The following PCDH7 variants were observed in gnomAD, a reference collection of about 807,000 sequenced individuals.
The protein encoded by PCDH7 is protocadherin-7.
In PCDH7, 17 loss-of-function variants were observed where a neutral mutation model predicts 58.9. That is an observed-to-expected ratio of 0.29 (90% CI 0.20 to 0.43). The LOEUF (loss-of-function observed/expected upper bound fraction) is 0.43, where lower values mean the gene tolerates loss of function less well. PCDH7 is among the 20% of genes least tolerant of loss of function. The probability of loss-of-function intolerance (pLI) is 1.00; values close to 1 mark genes in which losing one functional copy is unlikely to be tolerated. For synonymous variants in PCDH7, 664 were observed against 616.4 expected (o/e 1.08, Z -1.14); for missense variants, 1,274 against 1,441.0 (o/e 0.88, Z 1.88).
intron 1 of PCDH7, among the ~76,000 whole-genome samples, chr4:30,793,394 C>T (rs1296769127): frequency 6.6e-6 from 1 of 152,072 alleles, no homozygotes; most frequent in Non-Finnish European, 1.5e-5. Flanking sequence ...GCTGAAATGA[C>T]ACAAAAGTTA....
At chr4:30,889,714 G>A (rs556255184) in intron 1 of PCDH7, among the ~76,000 whole-genome samples, 157 of 152,292 alleles carry the variant, frequency 1.0e-3, no homozygotes, top group Admixed American at 2.7e-3. Context: ...CTCATATGGT[G>A]TAAGGAGCAA....
chr4:30,980,427 A>T (rs1578478540), intron 3 of PCDH7, among the ~76,000 whole-genome samples: 3 of 152,196 alleles, frequency 2.0e-5, no homozygotes, highest in African/African-American at 4.8e-5. Flanking sequence ...ATATTTAGCT[A>T]TTGGGGAAAA....
chr4:31,086,688 G>T (rs1478881967), intron 3 of PCDH7, among the ~76,000 whole-genome samples: 1 of 152,046 alleles, frequency 6.6e-6, no homozygotes, highest in Non-Finnish European at 1.5e-5. Flanking sequence ...TTATTTATCT[G>T]TGAATATAAA....
At position 31,104,981 on chromosome 4, in the gene PCDH7, T is replaced by G. The variant is rs367707811; in HGVS notation, c.*8-37492T>G. ...GCACCAGTGTACCTTAAGGAACACA[T>G]GACAATTGGTATGTGATATTTCAAA... On this transcript the variant is annotated intron_variant, in intron 3 of 3. Transcript: ENST00000509759. 1.7e-4 allele frequency among the ~76,000 whole-genome samples: 26 copies of G among 152,332 alleles called. No homozygotes were observed. In the East Asian group the frequency reaches 2.5e-3, roughly 15 times the overall value.
At chr4:31,124,866 TTC>T (rs1718111188) in intron 3 of PCDH7, among the ~76,000 whole-genome samples, 1 of 152,234 alleles carries the variant, frequency 6.6e-6, no homozygotes, top group African/African-American at 2.4e-5. Context: ...TACTCCTTTT[TTC>T]TGTTGTTAAG....
Position 30,825,639 on chromosome 4 carries a change from C to A in PCDH7, c.71-94514C>A, listed in dbSNP as rs78433995. Among the ~76,000 whole-genome samples, 700 of 152,186 alleles carry A rather than the reference C, an allele frequency of 4.6e-3. 9 individuals are homozygous for A. The highest frequency in any genetic ancestry group is 5.5e-3 in the Non-Finnish European group (372 of 68,004). ...CTAAGTAGTTTCCTTTCCATAAAAG[C>A]TCAAAGAATGCATGCAGCAATGACA... On this transcript the variant is annotated intron_variant, in intron 1 of 3. Transcript: ENST00000509759.
At chr4:30,890,495 T>C (rs1387002115) in intron 1 of PCDH7, among the ~76,000 whole-genome samples, 1 of 130,000 alleles carries the variant, frequency 7.7e-6, no homozygotes, top group Non-Finnish European at 1.7e-5. Flanking sequence ...TTGATCTTTG[T>C]ATAGTCATTC....
chr4:31,090,852 T>G (rs1713153131), intron 3 of PCDH7, among the ~76,000 whole-genome samples: 1 of 152,060 alleles, frequency 6.6e-6, no homozygotes, highest in South Asian at 2.1e-4. Context: ...ATGTCTCCAT[T>G]ACAGAATACC....
intron 1 of PCDH7, among the ~76,000 whole-genome samples, chr4:30,809,889 A>G (rs563358854): frequency 1.3e-5 from 2 of 152,302 alleles, no homozygotes; most frequent in Non-Finnish European, 2.9e-5. Context: ...TTCTGATTTT[A>G]TGATGCCATG....
chr4:30,882,217 A>ACTC (rs147271843), intron 1 of PCDH7, among the ~76,000 whole-genome samples: 2,018 of 115,442 alleles, frequency 0.017, 43 homozygotes, highest in African/African-American at 0.062. Context: ...CTTCCTTTTA[A>ACTC]CTCCTCCTCC....
At position 30,956,146 on chromosome 4, in the gene PCDH7, G is replaced by A. The variant is rs529999376; in HGVS notation, c.*7+5931G>A. ...GGAGAATGGCATGAACCCAGGAGGCGGAGCTTGCAGTGAGCCGAGATCATG... is the reference window on the plus strand; with the variant it reads ...GGAGAATGGCATGAACCCAGGAGGCAGAGCTTGCAGTGAGCCGAGATCATG... On this transcript the variant is annotated intron_variant, in intron 3 of 3. Transcript: ENST00000509759. Among the ~76,000 whole-genome samples the A allele has an allele frequency of 6.3e-4, 95 of 151,710 alleles. 2 individuals are homozygous for A. The highest frequency in any genetic ancestry group is 8.2e-4 in the African/African-American group (34 of 41,386).
intron 1 of PCDH7, among the ~76,000 whole-genome samples, chr4:30,824,131 CT>C (rs1301151874): frequency 2.1e-5 from 3 of 143,870 alleles, no homozygotes; most frequent in African/African-American, 5.2e-5. Flanking sequence ...TTCTTTCTTT[CT>C]TTCTTTCTTT....
intron 1 of PCDH7, chr4:30,783,146 C>T (rs1198256369): frequency 6.6e-6 from 1 of 152,172 alleles, no homozygotes; most frequent in Non-Finnish European, 1.5e-5. Context: ...ATCCCATGTT[C>T]ACTCTATGTC....
intron 3 of PCDH7, chr4:30,987,632 A>G (rs987956817): frequency 1.3e-5 from 2 of 152,118 alleles, no homozygotes; most frequent in African/African-American, 4.8e-5. Context: ...AGCCTGGGGA[A>G]CATAGTGAGA....
chr4:30,962,687 C>G (rs1399791857), intron 3 of PCDH7, among the ~76,000 whole-genome samples: 3 of 143,000 alleles, frequency 2.1e-5, no homozygotes, highest in Non-Finnish European at 4.5e-5. Context: ...GAGGCTGAGG[C>G]AGGAAGATCA....
At chr4:30,810,040 C>T (rs1051491444) in intron 1 of PCDH7, among the ~76,000 whole-genome samples, 5 of 152,146 alleles carry the variant, frequency 3.3e-5, no homozygotes, top group Non-Finnish European at 1.5e-5. Flanking sequence ...TTATACTTCA[C>T]TTTTGTAGTT....
chr4:31,036,777 A>G (rs1245363061), intron 3 of PCDH7, among the ~76,000 whole-genome samples: 1 of 152,174 alleles, frequency 6.6e-6, no homozygotes, highest in African/African-American at 2.4e-5. Context: ...TAATAAAGAC[A>G]TACTGGAGAC....
intron 1 of PCDH7, among the ~76,000 whole-genome samples, chr4:30,897,861 T>C (rs900594774): frequency 6.6e-6 from 1 of 152,192 alleles, no homozygotes; most frequent in Non-Finnish European, 1.5e-5. Context: ...ATTTCAAATT[T>C]TGGCCAACTA....
At chr4:30,782,972 G>A (rs1196181413) in intron 1 of PCDH7, 3 of 152,118 alleles carry the variant, frequency 2.0e-5, no homozygotes, top group Non-Finnish European at 4.4e-5. Flanking sequence ...ACCATATTTT[G>A]GGGTGGTGTT....
Sources: gnomAD v4.1 joint callset for allele counts (sites outside exome capture counted in the v4.1 genomes callset) on GRCh38, gnomAD v4.1.1 for gene constraint, MANE v1.5 for transcripts, NCBI Gene and HGNC (gene_info 2026-07-23, HGNC 2026-07-21) for gene names.